SH3RF3: variants seen among roughly 807,000 people sequenced by gnomAD.
SH3RF3 encodes E3 ubiquitin-protein ligase SH3RF3.
A neutral mutation model predicts 66.3 loss-of-function variants in SH3RF3; 29 were observed. The ratio of observed to expected loss-of-function variants is 0.44; its 90% CI spans 0.33 to 0.60. SH3RF3 has a LOEUF of 0.60. Among genes scored for constraint, SH3RF3 ranks in the 20% least tolerant of loss-of-function variants. The pLI is 0.04. For synonymous variants in SH3RF3, 583 were observed against 532.0 expected (o/e 1.10, Z -1.32); for missense variants, 1,194 against 1,190.9 (o/e 1.00, Z -0.04).
chr2:109,312,296 TC>T (rs1270827835), intron 1 of SH3RF3, among the ~76,000 whole-genome samples: 1 of 152,210 alleles, frequency 6.6e-6, no homozygotes, highest in Non-Finnish European at 1.5e-5. Context: ...TGAATGAGCT[TC>T]CCACTCGAGG....
chr2:109,288,680 CT>C (rs1179160859), intron 1 of SH3RF3, among the ~76,000 whole-genome samples: 5 of 152,120 alleles, frequency 3.3e-5, no homozygotes, highest in Non-Finnish European at 7.4e-5. Flanking sequence ...GTTTTTTTCT[CT>C]TTGCCGGGAG....
At chr2:109,416,147 A>G (rs1028723077) in intron 4 of SH3RF3, among the ~76,000 whole-genome samples, 3 of 152,212 alleles carry the variant, frequency 2.0e-5, no homozygotes, top group African/African-American at 7.2e-5. Flanking sequence ...AGTTTTAGGT[A>G]TTCTGTCGTA....
At chr2:109,238,210 T>A (rs1424017847) in intron 1 of SH3RF3, among the ~76,000 whole-genome samples, 6 of 151,964 alleles carry the variant, frequency 3.9e-5, no homozygotes, top group Non-Finnish European at 7.4e-5. Context: ...TAAAAAAAAA[T>A]AATAAAATAA....
intron 1 of SH3RF3, among the ~76,000 whole-genome samples, chr2:109,152,971 ATTG>A (rs1167141078): frequency 6.6e-6 from 1 of 152,188 alleles, no homozygotes; most frequent in African/African-American, 2.4e-5. Context: ...GTGTGAAGTC[ATTG>A]TTGTTATGAT....
intron 1 of SH3RF3, among the ~76,000 whole-genome samples, chr2:109,204,946 G>A (rs1454172327): frequency 1.3e-5 from 2 of 152,192 alleles, no homozygotes; most frequent in Non-Finnish European, 2.9e-5. Flanking sequence ...GGTGGCTCAT[G>A]CCTGTAATCC....
At chr2:109,294,496 G>A (rs1681260141) in intron 1 of SH3RF3, among the ~76,000 whole-genome samples, 1 of 151,502 alleles carries the variant, frequency 6.6e-6, no homozygotes, top group Non-Finnish European at 1.5e-5. Flanking sequence ...AGGAGGTGGA[G>A]GTTGCAGTGA....
intron 1 of SH3RF3, among the ~76,000 whole-genome samples, chr2:109,132,284 A>G (rs1676717256): frequency 6.6e-6 from 1 of 152,184 alleles, no homozygotes; most frequent in East Asian, 1.9e-4. Context: ...AAGTATTGGC[A>G]TAGCTTGTTT....
chr2:109,300,175 A>G (rs571499722), intron 1 of SH3RF3, among the ~76,000 whole-genome samples: 32 of 152,032 alleles, frequency 2.1e-4, no homozygotes, highest in Non-Finnish European at 4.1e-4. Flanking sequence ...GCCCTGAGAT[A>G]TGCTCTCGAG....
intron 1 of SH3RF3, among the ~76,000 whole-genome samples, chr2:109,169,966 T>C (rs1006646718): frequency 6.6e-6 from 1 of 152,184 alleles, no homozygotes; most frequent in Non-Finnish European, 1.5e-5. Context: ...TTTAATGTTT[T>C]ACTTGATAAC....
chr2:109,321,013 G>A (rs1319424618), intron 1 of SH3RF3, among the ~76,000 whole-genome samples: 4 of 152,220 alleles, frequency 2.6e-5, no homozygotes, highest in African/African-American at 9.6e-5. Context: ...TACATAGATT[G>A]TTCCATGGGA....
At chr2:109,371,477 A>G (rs574886452) in intron 2 of SH3RF3, 109 bp from the exon 3 acceptor site, 13 of 818,068 alleles carry the variant, frequency 1.6e-5, no homozygotes, top group Admixed American at 1.2e-4. Context: ...TCTTGAACTC[A>G]TTCCTTGGAA....
At chr2:109,325,619 C>A (rs1455845970) in intron 1 of SH3RF3, among the ~76,000 whole-genome samples, 2 of 152,154 alleles carry the variant, frequency 1.3e-5, no homozygotes, top group Admixed American at 1.3e-4. Flanking sequence ...AGAACTCACT[C>A]ACCACTTCCC....
At chr2:109,456,178 C>T (rs1399794673) in intron 8 of SH3RF3, among the ~76,000 whole-genome samples, 1 of 152,242 alleles carries the variant, frequency 6.6e-6, no homozygotes, top group Admixed American at 6.5e-5. Flanking sequence ...CACCTCTGCC[C>T]TGGCCACTTG....
rs956242531 is a variant in SH3RF3 at position 109,432,790 on chromosome 2, A to G, written c.1574+119A>G. 23 of 1,357,280 alleles carry G rather than the reference A, an allele frequency of 1.7e-5. No individual in the cohort carries two copies. In the Admixed American group the frequency reaches 3.5e-4, roughly 21 times the overall value. 84.1% of individuals were successfully genotyped at this position (1,357,280 alleles called of 1,614,324 possible). On this transcript the variant is annotated intron_variant, in intron 6 of 9. Coordinates refer to ENST00000309415, the MANE Select transcript of SH3RF3 (RefSeq NM_001099289.3). ...GGGCCCAGAAGGCAGCAAGGCCACC[A>G]GTGCCCAGGGTTCAGCCCCCACTGG...
chr2:109,210,921 G>A (rs2105106354), intron 1 of SH3RF3, among the ~76,000 whole-genome samples: 1 of 152,340 alleles, frequency 6.6e-6, no homozygotes, highest in Admixed American at 6.5e-5. Context: ...TGGTGGAATT[G>A]CTGCTGTCCT....
chr2:109,340,002 A>G (rs1682522356), intron 1 of SH3RF3, among the ~76,000 whole-genome samples: 1 of 152,150 alleles, frequency 6.6e-6, no homozygotes, highest in Non-Finnish European at 1.5e-5. Flanking sequence ...GAATTTGCCC[A>G]CCTTGCTACA....
At chr2:109,415,180 C>T (rs897316031) in intron 4 of SH3RF3, among the ~76,000 whole-genome samples, 1 of 152,220 alleles carries the variant, frequency 6.6e-6, no homozygotes. Flanking sequence ...CCAGAGGGAA[C>T]ACAGCCCTGC....
chr2:109,324,533 A>C (rs914636343), intron 1 of SH3RF3, among the ~76,000 whole-genome samples: 6 of 152,228 alleles, frequency 3.9e-5, no homozygotes, highest in Non-Finnish European at 7.3e-5. Context: ...TTAAAATAAT[A>C]ATGAAAGTTA....
At chr2:109,402,596 C>G (rs536038975) in intron 4 of SH3RF3, among the ~76,000 whole-genome samples, 1 of 152,248 alleles carries the variant, frequency 6.6e-6, no homozygotes, top group Admixed American at 6.5e-5. Flanking sequence ...AGCAGCCAGT[C>G]CCCTGCCTCT....
Sources: gnomAD v4.1 joint callset for allele counts (sites outside exome capture counted in the v4.1 genomes callset) on GRCh38, gnomAD v4.1.1 for gene constraint, MANE v1.5 for transcripts, NCBI Gene and HGNC (gene_info 2026-07-23, HGNC 2026-07-21) for gene names.